TRAPPC13: variants seen among roughly 807,000 people sequenced by gnomAD.
TRAPPC13 encodes the protein trafficking protein particle complex subunit 13, also known as REV7-interacting novel NHEJ regulator 1.
In TRAPPC13, 39 loss-of-function variants were observed where a neutral mutation model predicts 54.0. The observed-to-expected ratio is 0.72, with a 90% CI of 0.56 to 0.94. The LOEUF is 0.94. TRAPPC13 is among the 40% of genes least tolerant of loss of function. The pLI is 0.00. For missense variants in TRAPPC13, 386 were observed against 488.1 expected, an observed-to-expected ratio of 0.79 and a Z score of 1.97; for synonymous variants, 148 against 167.7, an observed-to-expected ratio of 0.88 and a Z score of 0.91.
chr5:65,651,988 C>T (rs1350074848), intron 6 of TRAPPC13, among the ~76,000 whole-genome samples: 3 of 150,832 alleles, frequency 2.0e-5, no homozygotes, highest in East Asian at 2.0e-4. Flanking sequence ...CTCAGCCTCC[C>T]GAGTAGCTGG....
At chr5:65,633,426 G>A (rs532098768) in intron 1 of TRAPPC13, among the ~76,000 whole-genome samples, 46 of 152,004 alleles carry the variant, frequency 3.0e-4, no homozygotes, top group Admixed American at 2.5e-3. Flanking sequence ...GACTACAGGC[G>A]CCCGCCACCA....
At chr5:65,655,823 C>CTTTTT (rs750204873) in intron 8 of TRAPPC13, among the ~76,000 whole-genome samples, 170 bp downstream of exon 8, 202 of 152,128 alleles carry the variant, frequency 1.3e-3, no homozygotes, top group Non-Finnish European at 2.3e-3. Flanking sequence ...TTAATTATAT[C>CTTTTT]AATTTTCTAT....
intron 8 of TRAPPC13, among the ~76,000 whole-genome samples, chr5:65,656,657 C>T (rs777803278): frequency 2.0e-5 from 3 of 149,210 alleles, no homozygotes; most frequent in East Asian, 1.9e-4. Context: ...CCTGTAATCT[C>T]AGCACTTTGG....
chr5:65,654,324 G>A (rs1169451218), intron 7 of TRAPPC13, among the ~76,000 whole-genome samples: 4 of 151,774 alleles, frequency 2.6e-5, no homozygotes, highest in Non-Finnish European at 5.9e-5. Context: ...TTATAATCAC[G>A]ACAATTTTGT....
intron 1 of TRAPPC13, among the ~76,000 whole-genome samples, chr5:65,633,373 G>A (rs1214253555): frequency 7.2e-5 from 11 of 151,978 alleles, no homozygotes; most frequent in Admixed American, 1.3e-4. Context: ...TCCGCCTCCC[G>A]GGTTCACGCC....
chr5:65,637,755 A>G lies in TRAPPC13; in HGVS notation c.275A>G (p.Gln92Arg). The stretch of plus-strand genomic sequence containing the variant: ...ATCAGCGTTCATAATGATAGCAATC[A>G]AGTTGTAAAAGACATATTAGTAAAA... ...SYISVHNDSN[Q>R]VVKDILVKAD... Residue 92 changes from glutamine to arginine, a missense_variant, in exon 4 of 13, where the codon CAA (glutamine) becomes CGA (arginine). Physicochemically the swap from Gln to Arg is conservative, Grantham distance 43. Transcript: ENST00000399438. 2 of 1,573,568 alleles carry G rather than the reference A, an allele frequency of 1.3e-6. No individual in the cohort carries two copies. Among genetic ancestry groups the G allele is most frequent in the Non-Finnish European group, 1.7e-6 (2 of 1,155,998 alleles).
intron 3 of TRAPPC13, among the ~76,000 whole-genome samples, chr5:65,637,342 G>A (rs942836275): frequency 6.6e-6 from 1 of 152,178 alleles, no homozygotes; most frequent in Non-Finnish European, 1.5e-5. Flanking sequence ...ATTATTTAAT[G>A]TAAAACCTGA....
At chr5:65,654,698 T>C (rs1756584873) in intron 7 of TRAPPC13, among the ~76,000 whole-genome samples, 1 of 152,228 alleles carries the variant, frequency 6.6e-6, no homozygotes. Flanking sequence ...TATATTTTGA[T>C]ACTGTTTCTA....
intron 4 of TRAPPC13, 146 bp downstream of exon 4, chr5:65,637,926 C>T (rs1176844896): frequency 2.5e-6 from 1 of 405,212 alleles, no homozygotes; most frequent in African/African-American, 2.2e-5. Context: ...CAAGACCAGC[C>T]TGGCCAACAT....
intron 4 of TRAPPC13, among the ~76,000 whole-genome samples, chr5:65,644,610 A>T (rs1468633589): frequency 6.6e-6 from 1 of 152,162 alleles, no homozygotes; most frequent in Non-Finnish European, 1.5e-5. Context: ...ATCTGGGCGC[A>T]GTGGCTAACA....
chr5:65,629,605 A>G (rs906361266), intron 1 of TRAPPC13: 1 of 1,533,072 alleles, frequency 6.5e-7, no homozygotes, highest in Non-Finnish European at 8.7e-7. Flanking sequence ...CAGAAGTAAT[A>G]TTACATTATC....
chr5:65,652,265 G>A (rs770190178), intron 6 of TRAPPC13, among the ~76,000 whole-genome samples: 27 of 150,560 alleles, frequency 1.8e-4, no homozygotes, highest in African/African-American at 2.4e-4. Context: ...AAAAACCCAT[G>A]TAATGTAATT....
intron 1 of TRAPPC13, among the ~76,000 whole-genome samples, chr5:65,633,978 T>G (rs975301330): frequency 0.065 from 1,351 of 20,944 alleles, 14 homozygotes; most frequent in Middle Eastern, 0.12. Context: ...TCTCCCAGCG[T>G]TTTTTTTTTT....
At chr5:65,627,402 G>A (rs935713823) in intron 1 of TRAPPC13, among the ~76,000 whole-genome samples, 2 of 151,966 alleles carry the variant, frequency 1.3e-5, no homozygotes, top group Non-Finnish European at 2.9e-5. Flanking sequence ...TGGGTGAGGT[G>A]GCTGATCACT....
intron 9 of TRAPPC13, among the ~76,000 whole-genome samples, chr5:65,659,285 C>A (rs1263055412): frequency 6.6e-6 from 1 of 152,132 alleles, no homozygotes; most frequent in South Asian, 2.1e-4. Flanking sequence ...TAACATGTAT[C>A]CACCATTACT....
At chr5:65,639,949 C>T (rs753583946) in intron 4 of TRAPPC13, among the ~76,000 whole-genome samples, 1 of 152,142 alleles carries the variant, frequency 6.6e-6, no homozygotes, top group Non-Finnish European at 1.5e-5. Flanking sequence ...CCAAAAAGGA[C>T]CTCTAATTAG....
intron 7 of TRAPPC13, among the ~76,000 whole-genome samples, chr5:65,653,851 G>A (rs1435034380): frequency 6.6e-6 from 1 of 152,070 alleles, no homozygotes; most frequent in Non-Finnish European, 1.5e-5. Context: ...GGAGTAATAC[G>A]CATTTATTCC....
intron 1 of TRAPPC13, among the ~76,000 whole-genome samples, chr5:65,628,887 G>A (rs1489693073): frequency 6.6e-6 from 1 of 151,204 alleles, no homozygotes; most frequent in South Asian, 2.1e-4. Context: ...GCATGATCTT[G>A]GCTCACTGCA....
Position 65,660,696 on chromosome 5 carries a change from C to CA in TRAPPC13, c.699-2dup. The CA allele has an allele frequency of 6.3e-7, 1 of 1,587,926 alleles. No individual in the cohort carries two copies. Among genetic ancestry groups the CA allele is most frequent in the South Asian group, 1.2e-5 (1 of 86,358 alleles). On this transcript the variant is annotated splice_polypyrimidine_tract_variant and splice_region_variant and intron_variant, in intron 9 of 12. Transcript: ENST00000399438. ...TCTCCGTCTCTGTCTCCACCCCTCT[C>CA]AGTGTGTCTACGTTTGGGTCAAGAG...
Sources: allele counts gnomAD v4.1 joint callset (sites outside exome capture counted in the v4.1 genomes callset), GRCh38; gene constraint gnomAD v4.1.1; transcripts MANE v1.5; gene names NCBI Gene and HGNC (gene_info 2026-07-23, HGNC 2026-07-21).